Variants in GPR39 observed in about 807,000 individuals in gnomAD.
The protein encoded by GPR39 is zinc sensing receptor.
In GPR39, 23 loss-of-function variants were observed where a neutral mutation model predicts 18.4. That is an observed-to-expected ratio of 1.25 (90% confidence interval 0.90 to 1.77). The LOEUF (loss-of-function observed/expected upper bound fraction) is 1.77, where lower values mean the gene tolerates loss of function less well. GPR39 is among the 40% of genes most tolerant of loss of function. GPR39 has a pLI of 0.00. For missense variants in GPR39, 647 were observed against 602.4 expected, an observed-to-expected ratio of 1.07 and a Z score of -0.78; for synonymous variants, 280 against 257.9, an observed-to-expected ratio of 1.09 and a Z score of -0.82.
intron 1 of GPR39, among the ~76,000 whole-genome samples, chr2:132,621,124 G>A (rs1681433751): frequency 6.6e-6 from 1 of 152,120 alleles, no homozygotes; most frequent in Non-Finnish European, 1.5e-5. Flanking sequence ...CGGTGCTTGA[G>A]TAGTTTCCCT....
chr2:132,645,328 C>A lies in GPR39; in HGVS notation c.1084C>A (p.Arg362Ser), dbSNP rs373375266. The A allele has an allele frequency of 1.9e-6, 3 of 1,614,206 alleles. No homozygotes were observed. Among genetic ancestry groups the A allele is most frequent in the East Asian group, 4.5e-5 (2 of 44,882 alleles). The change falls in exon 2 of 2, where the codon CGC becomes AGC. Residue 362 changes from arginine to serine, a missense_variant. Around this residue, in one of 3 missense-constraint regions of GPR39, gnomAD observed 581 missense variants for 506.8 expected, o/e 1.15. Transcript: ENST00000329321. ...GGTGTTCGTGCAGGTGCTGTGCTGCCGCCTGTCGCTGCAGCACGCCAACCA... is the reference window on the plus strand; with the variant it reads ...GGTGTTCGTGCAGGTGCTGTGCTGCAGCCTGTCGCTGCAGCACGCCAACCA... ...RRVFVQVLCC[R>S]LSLQHANHEK...
rs1165984649 is a variant in GPR39 at position 132,445,271 on chromosome 2, C to A, written c.856+27373C>A. On this transcript the variant is annotated intron_variant, in intron 1 of 1. Transcript: ENST00000329321. ...TATGTTCCCATAGTCCTTATAATTCCCATTTTAGAGTCTATATAATATGAT... is the reference window on the plus strand; with the variant it reads ...TATGTTCCCATAGTCCTTATAATTCACATTTTAGAGTCTATATAATATGAT... Among the ~76,000 whole-genome samples, 3 of 151,844 alleles carry A rather than the reference C, an allele frequency of 2.0e-5. No homozygotes were observed. The East Asian group carries it at 5.8e-4, about 29-fold the overall frequency.
chr2:132,417,541 G>T lies in GPR39; in HGVS notation c.499G>T (p.Ala167Ser), dbSNP rs1573591187. 1.2e-6 allele frequency: 2 copies of T among 1,614,164 alleles called. No homozygotes were observed. The highest frequency in any genetic ancestry group is 1.7e-6 in the Non-Finnish European group (2 of 1,180,038). Residue 167 changes from alanine (A) to serine (S), a missense_variant, in exon 1 of 2, where the codon GCA becomes TCA. Coordinates refer to ENST00000329321, the MANE Select transcript of GPR39 (RefSeq NM_001508.3). ...CGTCTGGGTCACCTCCGCCCTGGTGGCACTGCCCTTGCTGTTTGCCATGGG... is the reference window on the plus strand; with the variant it reads ...CGTCTGGGTCACCTCCGCCCTGGTGTCACTGCCCTTGCTGTTTGCCATGGG... ...GFVWVTSALV[A>S]LPLLFAMGTE...
chr2:132,600,430 TACAA>T (rs957135135), intron 1 of GPR39, among the ~76,000 whole-genome samples: 6 of 151,420 alleles, frequency 4.0e-5, no homozygotes, highest in Non-Finnish European at 7.4e-5. Flanking sequence ...GAGGAAAAAA[TACAA>T]ACAATGAATG....
chr2:132,585,180 T>C (rs1680703498), intron 1 of GPR39, among the ~76,000 whole-genome samples: 1 of 152,154 alleles, frequency 6.6e-6, no homozygotes, highest in South Asian at 2.1e-4. Flanking sequence ...CAATCCCTAC[T>C]GCACCCGCCC....
chr2:132,494,333 C>A (rs1322942576), intron 1 of GPR39, among the ~76,000 whole-genome samples: 1 of 152,160 alleles, frequency 6.6e-6, no homozygotes, highest in Non-Finnish European at 1.5e-5. Flanking sequence ...ATGACATGAA[C>A]GTGTTTATTG....
rs115359382 is a variant in GPR39 at position 132,598,839 on chromosome 2, T to G, written c.857-46262T>G. On this transcript the variant is annotated intron_variant, in intron 1 of 1. Coordinates refer to ENST00000329321, the MANE Select transcript of GPR39 (RefSeq NM_001508.3). ...CTGTGACCTTATGTGAGCAGCACCA[T>G]GACATGTAACAAGGTCCCTGTCCTC... is the stretch of plus-strand genomic sequence containing the variant. Among the ~76,000 whole-genome samples, 326 of 152,214 alleles carry G rather than the reference T, an allele frequency of 2.1e-3. 2 individuals carry two copies. Among genetic ancestry groups the G allele is most frequent in the African/African-American group, 7.5e-3 (313 of 41,540 alleles).
intron 1 of GPR39, among the ~76,000 whole-genome samples, chr2:132,482,184 C>A (rs557999957): frequency 6.6e-6 from 1 of 152,306 alleles, no homozygotes; most frequent in South Asian, 2.1e-4. Context: ...TAGATCCAGA[C>A]CTTAGTATTT....
intron 1 of GPR39, among the ~76,000 whole-genome samples, chr2:132,599,777 G>A (rs1029512039): frequency 2.6e-5 from 4 of 152,094 alleles, no homozygotes; most frequent in South Asian, 2.1e-4. Flanking sequence ...CCATCATGGC[G>A]TGTCAGCAGA....
intron 1 of GPR39, among the ~76,000 whole-genome samples, chr2:132,471,576 AAC>A (rs1681031632): frequency 6.6e-6 from 1 of 151,982 alleles, no homozygotes; most frequent in Admixed American, 6.5e-5. Flanking sequence ...AGCTGTTGGG[AAC>A]ACAGTGTCAC....
At chr2:132,540,247 C>T (rs1573655683) in intron 1 of GPR39, among the ~76,000 whole-genome samples, 1 of 141,876 alleles carries the variant, frequency 7.0e-6, no homozygotes, top group South Asian at 2.2e-4. Context: ...AAGCCCTGCA[C>T]AAGCTTGACA....
intron 1 of GPR39, among the ~76,000 whole-genome samples, chr2:132,528,427 C>A (rs544841869): frequency 6.6e-6 from 1 of 152,166 alleles, no homozygotes; most frequent in East Asian, 1.9e-4. Flanking sequence ...TTTTATGGTT[C>A]CATATGAAAT....
intron 1 of GPR39, among the ~76,000 whole-genome samples, chr2:132,467,636 A>G (rs980383520): frequency 1.4e-4 from 22 of 152,152 alleles, no homozygotes; most frequent in African/African-American, 4.6e-4. Context: ...TGCAGACACA[A>G]TCTCTCCATA....
In GPR39 at chr2:132,512,021, G is replaced by T. The variant is rs141675515; in HGVS notation, c.856+94123G>T. The stretch of plus-strand genomic sequence containing the variant: ...TCCCCAATCCCCAGACAAACACCTT[G>T]TCATTGTCAGGTGAAAGAAGCTGAT... On this transcript the variant is annotated intron_variant, in intron 1 of 1. Transcript: ENST00000329321. Among the ~76,000 whole-genome samples, 415 of 152,312 alleles carry T rather than the reference G, an allele frequency of 2.7e-3. 1 individual carries two copies. Among genetic ancestry groups the T allele is most frequent in the African/African-American group, 9.4e-3 (389 of 41,566 alleles).
chr2:132,419,910 T>G (rs1558793462), intron 1 of GPR39, among the ~76,000 whole-genome samples: 2 of 152,176 alleles, frequency 1.3e-5, no homozygotes, highest in Non-Finnish European at 2.9e-5. Flanking sequence ...AATCTCTGTG[T>G]TTCCTGTATT....
intron 1 of GPR39, among the ~76,000 whole-genome samples, chr2:132,497,070 G>A (rs1368571050): frequency 1.3e-5 from 2 of 152,260 alleles, no homozygotes; most frequent in East Asian, 3.9e-4. Context: ...ATATCTTTTA[G>A]TGCCGGTCTT....
At position 132,493,021 on chromosome 2, in the gene GPR39, T is replaced by TATATATATACC. The variant is rs1206381094; in HGVS notation, c.856+75142_856+75152dup. On this transcript the variant is annotated intron_variant, in intron 1 of 1. Transcript: ENST00000329321. ...TATACCATATATACACTATATATACTATATATATACCATATATATACCATA... is the reference window on the plus strand; with the variant it reads ...TATACCATATATACACTATATATACTATATATATACCATATATATACCATATATATACCATA... Among the ~76,000 whole-genome samples the TATATATATACC allele has an allele frequency of 2.0e-3, 256 of 130,526 alleles. 1 individual carries two copies. The highest frequency in any genetic ancestry group is 8.7e-3 in the African/African-American group (249 of 28,782). The allele number at this position is 130,526 out of a possible 152,430, so 85.6% of individuals were successfully genotyped here.
At chr2:132,456,020 G>T (rs1429307455) in intron 1 of GPR39, among the ~76,000 whole-genome samples, 2 of 152,112 alleles carry the variant, frequency 1.3e-5, no homozygotes, top group Non-Finnish European at 2.9e-5. Flanking sequence ...CTGAGTTCAA[G>T]TCCTGGATAT....
chr2:132,591,443 G>A (rs1043918621), intron 1 of GPR39, among the ~76,000 whole-genome samples: 2 of 152,008 alleles, frequency 1.3e-5, no homozygotes, highest in African/African-American at 2.4e-5. Context: ...CTTGGGCCAC[G>A]GACTGAAAGC....
Sources: gnomAD v4.1 joint callset for allele counts (sites outside exome capture counted in the v4.1 genomes callset) on GRCh38, gnomAD v4.1.1 for gene constraint, gnomAD v4.1.1 regional missense constraint, MANE v1.5 for transcripts, NCBI Gene and HGNC (gene_info 2026-07-23, HGNC 2026-07-21) for gene names.